The following PDE4A variants were observed in gnomAD, a reference collection of about 807,000 sequenced individuals.
PDE4A encodes 3',5'-cyclic-AMP phosphodiesterase 4A.
Under a neutral mutation model 73.9 loss-of-function variants are expected in PDE4A, and 21 were observed. The observed-to-expected ratio is 0.28, with a 90% CI of 0.20 to 0.41. PDE4A has a LOEUF of 0.41. PDE4A is among the 10% of genes least tolerant of loss of function. The pLI, the probability that PDE4A is intolerant of heterozygous loss-of-function variation, is 1.00. For missense variants in PDE4A, 958 were observed against 1,211.4 expected, an observed-to-expected ratio of 0.79 and a Z score of 3.10; for synonymous variants, 463 against 505.4, an observed-to-expected ratio of 0.92 and a Z score of 1.13.
chr19:10,443,487 T>C (rs557031797), intron 1 of PDE4A, among the ~76,000 whole-genome samples: 88 of 149,806 alleles, frequency 5.9e-4, no homozygotes, highest in Non-Finnish European at 4.5e-5. Context: ...GGAGGTTGCA[T>C]TGAGCTGAGA....
At chr19:10,430,822 C>G in intron 1 of PDE4A, 1 of 1,048,406 alleles carries the variant, frequency 9.5e-7, no homozygotes, top group Non-Finnish European at 1.2e-6. Flanking sequence ...CAGCGCCCGC[C>G]GAGGCGGGGC....
upstream of PDE4A, chr19:10,420,486 G>A (rs2042634204): frequency 1.2e-6 from 1 of 866,802 alleles, no homozygotes; most frequent in African/African-American, 1.8e-5. This position sits in a 1 kb window ranked among gnomAD's most constrained non-coding sequence, Gnocchi z 6.0. Context: ...CGGGGCGGAG[G>A]AGCCGGGGCT....
upstream of PDE4A, chr19:10,420,367 G>C (rs1014979035): frequency 7.1e-6 from 7 of 979,678 alleles, no homozygotes; most frequent in Non-Finnish European, 8.5e-6. This position sits in a 1 kb window ranked among gnomAD's most constrained non-coding sequence, Gnocchi z 6.0. Flanking sequence ...GGATCTGCGT[G>C]GGCGGGAAGG....
chr19:10,448,850 A>G, intron 2 of PDE4A, 67 bp from the exon 3 acceptor site: 1 of 1,607,262 alleles, frequency 6.2e-7, no homozygotes, highest in East Asian at 2.2e-5. Flanking sequence ...GTCCAGCCTC[A>G]CAGGGCATCT....
At chr19:10,466,823 C>T in intron 14 of PDE4A, 64 bp from the exon 15 acceptor site, 1 of 1,556,638 alleles carries the variant, frequency 6.4e-7, no homozygotes, top group Non-Finnish European at 8.7e-7. Context: ...TCATTAGCTC[C>T]CATAATGTGG....
chr19:10,450,995 T>TG, intron 6 of PDE4A, 54 bp downstream of exon 6: 2 of 1,509,236 alleles, frequency 1.3e-6, no homozygotes. Flanking sequence ...GCGGGGCCAG[T>TG]GGGTAGAGCC....
chr19:10,457,279 G>A (rs1325025563), intron 7 of PDE4A, among the ~76,000 whole-genome samples: 2 of 152,204 alleles, frequency 1.3e-5, no homozygotes, highest in Non-Finnish European at 2.9e-5. Context: ...CCCAATGGGA[G>A]CATAACATGT....
rs574766563 is a variant in PDE4A, at chr19:10,456,312, G to C, written c.877+1390G>C. ...GAAGGCCGAGGTGGGCAGATCATGAGGTCAGGAGTTCAAGACCAGCCTGAC... is the reference window on the plus strand; with the variant it reads ...GAAGGCCGAGGTGGGCAGATCATGACGTCAGGAGTTCAAGACCAGCCTGAC... On this transcript the variant is annotated intron_variant, in intron 7 of 14. Transcript: ENST00000380702. 2.8e-4 allele frequency among the ~76,000 whole-genome samples: 42 copies of C among 152,170 alleles called. No individual in the cohort carries two copies. The East Asian group carries it at 7.4e-3, about 27-fold the overall frequency.
At chr19:10,427,969 C>A in intron 1 of PDE4A, 2 of 292,930 alleles carry the variant, frequency 6.8e-6, no homozygotes, top group Non-Finnish European at 9.7e-6. Flanking sequence ...GCACTGCAGT[C>A]TGGGTGACAG....
rs532581754 is a variant in PDE4A at position 10,461,472 on chromosome 19, T to A, written c.1466-54T>A. On this transcript the variant is annotated intron_variant, in intron 11 of 14. Coordinates refer to ENST00000380702, the MANE Select transcript of PDE4A (RefSeq NM_001111307.2). ...TAGTTGGGGGCGGAGCTGGCCCTCC[T>A]GCGGTTGGAGCTGCACACGTGGGCC... 307 of 1,596,082 alleles carry A rather than the reference T, an allele frequency of 1.9e-4. 1 individual carries two copies. The African/African-American group carries it at 3.5e-3, about 18-fold the overall frequency.
chr19:10,452,862 A>G, intron 6 of PDE4A: 3 of 247,688 alleles, frequency 1.2e-5, no homozygotes, highest in Non-Finnish European at 1.9e-5. Context: ...ATGCCCCTTT[A>G]ATACCCCCCC....
At chr19:10,464,081 C>G (rs2043324439) in intron 14 of PDE4A, 106 bp downstream of exon 14, 1 of 1,405,674 alleles carries the variant, frequency 7.1e-7, no homozygotes, top group Admixed American at 2.0e-5. Flanking sequence ...TTCCACAATG[C>G]CAAGTTGTCC....
intron 1 of PDE4A, among the ~76,000 whole-genome samples, chr19:10,433,100 C>T (rs537486329): frequency 6.6e-6 from 1 of 152,236 alleles, no homozygotes; most frequent in South Asian, 2.1e-4. Context: ...TTTAAGTTCT[C>T]AGAATTCTCA....
rs778696144 is a variant in PDE4A at position 10,420,840 on chromosome 19, C to T, written c.76C>T (p.Leu26=). 82 of 1,590,080 alleles carry T rather than the reference C, an allele frequency of 5.2e-5. No homozygotes were observed. Among genetic ancestry groups the T allele is most frequent in the Non-Finnish European group, 6.2e-5 (73 of 1,176,062 alleles). Residue 26 remains leucine (L), a synonymous_variant, in exon 1 of 15, where the codon CTG becomes TTG. Coordinates refer to ENST00000380702, the MANE Select transcript of PDE4A (RefSeq NM_001111307.2). This position sits in a 1 kb window ranked among gnomAD's most constrained non-coding sequence, Gnocchi z 6.0. The part of the protein sequence containing the change: ...LPGPREGQAT[L]KPPPQHLWRQ... ...CGGGCCCCGGGAGGGCCAGGCCACC[C>T]TGAAGCCTCCCCCGCAGCACCTGTG...
At chr19:10,420,425 AG>A, upstream of PDE4A, 5 of 847,832 alleles carry the variant, frequency 5.9e-6, no homozygotes, top group Non-Finnish European at 6.8e-6. The surrounding 1 kb of genome is among the most constrained non-coding windows in gnomAD (Gnocchi z 6.0). Flanking sequence ...ACGGAGGAGG[AG>A]GGGGGCGGCG....
rs371112302 is a variant in PDE4A at position 10,420,697 on chromosome 19, C to A, written c.-68C>A. ...GCGGGGCCCTGGGCTCGCTGGCTTGCGCGCAGCTGAGCGGGGTGTAGGTTG... is the reference window on the plus strand; with the variant it reads ...GCGGGGCCCTGGGCTCGCTGGCTTGAGCGCAGCTGAGCGGGGTGTAGGTTG... On this transcript the variant is annotated 5_prime_UTR_variant, in exon 1 of 15. Transcript: ENST00000380702. The surrounding 1 kb of genome is among the most constrained non-coding windows in gnomAD (Gnocchi z 6.0). The A allele has an allele frequency of 8.3e-5, 115 of 1,393,802 alleles. 2 individuals carry two copies. In the East Asian group the frequency reaches 1.3e-3, roughly 15 times the overall value. The allele number at this position is 1,393,802 out of a possible 1,614,324, so 86.3% of individuals were successfully genotyped here.
rs538132391 is a variant in PDE4A, at chr19:10,460,866, C to T, written c.1366-138C>T. 17 of 774,978 alleles carry T rather than the reference C, an allele frequency of 2.2e-5. No homozygotes were observed. The African/African-American group carries it at 2.9e-4, about 13-fold the overall frequency. 48.0% of individuals were successfully genotyped at this position (774,978 alleles called of 1,614,324 possible). A position where few individuals can be genotyped will look rare whatever the true frequency, so the allele number is the denominator to read the frequency against. On this transcript the variant is annotated intron_variant, in intron 10 of 14. Coordinates refer to ENST00000380702, the MANE Select transcript of PDE4A (RefSeq NM_001111307.2). ...GGCCTTGCTATGTTGCCCAGGATGG[C>T]CTCGAACTTCTGGCCTTGAAGTCCT...
chr19:10,424,976 C>T lies in PDE4A; in HGVS notation c.320+3892C>T, dbSNP rs183575730. Among the ~76,000 whole-genome samples the T allele has an allele frequency of 4.6e-5, 7 of 152,298 alleles. No homozygotes were observed. The highest frequency in any genetic ancestry group is 1.7e-4 in the African/African-American group (7 of 41,568). Reference sequence around the variant, plus strand: ...GCGCGGTGGCTCTGTAATCTGAGCACTTTGGGAGACCGAGGTGGGCGGATC... The same window carrying T: ...GCGCGGTGGCTCTGTAATCTGAGCATTTTGGGAGACCGAGGTGGGCGGATC... On this transcript the variant is annotated intron_variant, in intron 1 of 14. Coordinates refer to ENST00000380702, the MANE Select transcript of PDE4A (RefSeq NM_001111307.2). This position sits in a 1 kb window ranked among gnomAD's most constrained non-coding sequence, Gnocchi z 4.8.
chr19:10,456,511 G>A (rs2043171621), intron 7 of PDE4A, among the ~76,000 whole-genome samples: 3 of 151,402 alleles, frequency 2.0e-5, no homozygotes, highest in Admixed American at 2.0e-4. Context: ...GGGTGACAGA[G>A]TGAGACTCCA....
Sources: allele counts gnomAD v4.1 joint callset (sites outside exome capture counted in the v4.1 genomes callset), GRCh38; gene constraint gnomAD v4.1.1; non-coding constraint Gnocchi (gnomAD v3.1); transcripts MANE v1.5; gene names NCBI Gene and HGNC (gene_info 2026-07-23, HGNC 2026-07-21).